DRC5: variants seen among roughly 807,000 people sequenced by gnomAD.
DRC5 encodes the protein dynein regulatory complex subunit 5.
the DRC5 span, chr6:44,282,473 C>G: frequency 6.2e-7 from 1 of 1,611,922 alleles, no homozygotes; most frequent in East Asian, 2.2e-5. Flanking sequence ...ACAAGTCCAG[C>G]TCCTCGAGGA....
At chr6:44,285,376 C>A in the DRC5 span, among the ~76,000 whole-genome samples, 1 of 152,152 alleles carries the variant, frequency 6.6e-6, no homozygotes, top group South Asian at 2.1e-4. Flanking sequence ...TATAAAAATT[C>A]TTTGCTGTTT....
chr6:44,287,236 G>A, the DRC5 span: 2 of 985,354 alleles, frequency 2.0e-6, no homozygotes, highest in Non-Finnish European at 2.4e-6. Context: ...CACTTGGGAA[G>A]GCTTTCTGGA....
chr6:44,285,567 G>A, the DRC5 span, among the ~76,000 whole-genome samples: 1,124 of 152,214 alleles, frequency 7.4e-3, 10 homozygotes, highest in African/African-American at 0.025. Flanking sequence ...CATTTAACTG[G>A]ATGTCCTGTA....
the DRC5 span, chr6:44,287,469 G>T: frequency 7.0e-7 from 1 of 1,433,980 alleles, no homozygotes; most frequent in Non-Finnish European, 9.5e-7. Context: ...AGCTTCTGCA[G>T]TCTTGGCTCC....
the DRC5 span, chr6:44,287,560 C>T: frequency 1.2e-5 from 20 of 1,608,094 alleles, no homozygotes; most frequent in South Asian, 2.1e-4. Context: ...CTGGAAGTTC[C>T]TGATAATGTG....
chr6:44,290,787 A>T, the DRC5 span, among the ~76,000 whole-genome samples: 1 of 152,144 alleles, frequency 6.6e-6, no homozygotes, highest in Non-Finnish European at 1.5e-5. Context: ...CTCTTTAGTC[A>T]TTCCTCACAG....
At chr6:44,286,014 G>A in the DRC5 span, 19 of 1,614,032 alleles carry the variant, frequency 1.2e-5, 1 homozygote, top group East Asian at 4.5e-5. Context: ...AGGCAGTCAC[G>A]GTAGGTGAAG....
chr6:44,286,927 C>T, the DRC5 span, among the ~76,000 whole-genome samples: 8 of 152,326 alleles, frequency 5.3e-5, no homozygotes, highest in East Asian at 1.5e-3. Context: ...GGAGGTAGCA[C>T]TATGAGAGAC....
chr6:44,279,280 T>A, the DRC5 span: 1 of 152,366 alleles, frequency 6.6e-6, no homozygotes, highest in East Asian at 1.9e-4. Flanking sequence ...GAAGGCTCCA[T>A]GTGTCCTGGG....
chr6:44,292,221 G>A, the DRC5 span, among the ~76,000 whole-genome samples: 1 of 152,154 alleles, frequency 6.6e-6, no homozygotes, highest in South Asian at 2.1e-4. Context: ...TTTGCATCTG[G>A]GACATTGCAG....
the DRC5 span, chr6:44,286,550 G>A: frequency 3.1e-6 from 5 of 1,593,690 alleles, no homozygotes; most frequent in Non-Finnish European, 4.3e-6. Context: ...AACAGAGGAA[G>A]GAGCGCAGGG....
chr6:44,295,239 G>A, the DRC5 span, among the ~76,000 whole-genome samples: 1 of 152,210 alleles, frequency 6.6e-6, no homozygotes, highest in African/African-American at 2.4e-5. Flanking sequence ...GAGTGGGTAC[G>A]TCTTGTGCCA....
chr6:44,280,131 G>T, the DRC5 span: 2 of 1,508,566 alleles, frequency 1.3e-6, no homozygotes, highest in South Asian at 1.1e-5. Context: ...GGCATGGCAG[G>T]GGTATGAAAT....
At chr6:44,286,428 C>T in the DRC5 span, 1 of 1,614,112 alleles carries the variant, frequency 6.2e-7, no homozygotes, top group Non-Finnish European at 8.5e-7. Flanking sequence ...CAGTAGTTCT[C>T]ACTGTCTATC....
At chr6:44,296,794 C>A in the DRC5 span, among the ~76,000 whole-genome samples, 3 of 152,202 alleles carry the variant, frequency 2.0e-5, no homozygotes, top group Non-Finnish European at 2.9e-5. Context: ...GGAGAGCCCT[C>A]CTCTGTTCTC....
At chr6:44,286,219 A>G in the DRC5 span, 1 of 1,611,790 alleles carries the variant, frequency 6.2e-7, no homozygotes, top group East Asian at 2.2e-5. Flanking sequence ...GCACCGGCGG[A>G]AGGAACTGAT....
chr6:44,281,868 G>C, the DRC5 span, among the ~76,000 whole-genome samples: 5,147 of 152,208 alleles, frequency 0.034, 140 homozygotes, highest in Non-Finnish European at 0.053. Context: ...TAGAAAGTAG[G>C]GTTAAATATA....
the DRC5 span, among the ~76,000 whole-genome samples, chr6:44,297,076 C>T: frequency 6.6e-6 from 1 of 152,262 alleles, no homozygotes; most frequent in Non-Finnish European, 1.5e-5. Context: ...TCCCACCCCT[C>T]CTCCCTACCT....
chr6:44,287,523 C>T, the DRC5 span: 1 of 1,582,988 alleles, frequency 6.3e-7, no homozygotes, highest in Non-Finnish European at 8.6e-7. Flanking sequence ...CCTTCTCCTG[C>T]CCACCTAAAG....
Sources: gnomAD v4.1 joint callset for allele counts (sites outside exome capture counted in the v4.1 genomes callset) on GRCh38, gnomAD v4.1.1 for gene constraint, MANE v1.5 for transcripts, NCBI Gene and HGNC (gene_info 2026-07-23, HGNC 2026-07-21) for gene names.